PCDHGB2: variants seen among roughly 807,000 people sequenced by gnomAD.
PCDHGB2 encodes the protein protocadherin gamma-B2.
A neutral mutation model predicts 59.3 loss-of-function variants in PCDHGB2; 55 were observed. That is an observed-to-expected ratio of 0.93 (90% CI 0.75 to 1.16). The LOEUF is 1.16. Among genes scored for constraint, PCDHGB2 ranks in the 50% most tolerant of loss-of-function variants. The pLI is 0.00. For missense variants in PCDHGB2, 1,228 were observed against 1,198.5 expected, an observed-to-expected ratio of 1.02 and a Z score of -0.36; for synonymous variants, 516 against 512.0, an observed-to-expected ratio of 1.01 and a Z score of -0.11.
At chr5:141,418,732 G>A (rs747081573) in intron 1 of PCDHGB2, 1 of 1,613,994 alleles carries the variant, frequency 6.2e-7, no homozygotes, top group Non-Finnish European at 8.5e-7. Flanking sequence ...CTCAGCACGT[G>A]TTCTCTCTGG....
At position 141,491,137 on chromosome 5, in the gene PCDHGB2, GC is replaced by G. The variant is rs1373404184; in HGVS notation, c.2422-3668del. ...CACTGGTGAGGTGCGCACAGCCCGG[GC>G]CTTACTGGAGGATGACTCTGACACC... On this transcript the variant is annotated intron_variant, in intron 1 of 3. Transcript: ENST00000522605. This position sits in a 1 kb window ranked among gnomAD's most constrained non-coding sequence, Gnocchi z 6.9. The G allele has an allele frequency of 1.2e-6, 2 of 1,614,156 alleles. No individual in the cohort carries two copies. Among genetic ancestry groups the G allele is most frequent in the Non-Finnish European group, 1.7e-6 (2 of 1,180,008 alleles).
intron 1 of PCDHGB2, chr5:141,364,398 T>TG: frequency 6.2e-6 from 10 of 1,605,684 alleles, no homozygotes; most frequent in Non-Finnish European, 7.7e-6. Flanking sequence ...CTGGGGACGC[T>TG]GTGCGAGCCA....
intron 1 of PCDHGB2, among the ~76,000 whole-genome samples, chr5:141,456,818 G>A (rs1214373156): frequency 1.3e-5 from 2 of 151,890 alleles, no homozygotes; most frequent in Admixed American, 6.6e-5. Context: ...CAAAAAATTA[G>A]CCATCGTGGT....
At position 141,426,367 on chromosome 5, in the gene PCDHGB2, G is replaced by A. The variant is rs557191606; in HGVS notation, c.2421+63811G>A. The A allele has an allele frequency of 8.2e-4, 168 of 204,486 alleles. 3 individuals are homozygous for A. The South Asian group carries it at 0.014, about 17-fold the overall frequency. 12.7% of individuals were successfully genotyped at this position (204,486 alleles called of 1,614,324 possible). ...TTTCCTGCTGCCTTTGTTCTGCGGG[G>A]CACCCTCGGAGCAGATCCGCTACTC... is the stretch of plus-strand genomic sequence containing the variant. On this transcript the variant is annotated intron_variant, in intron 1 of 3. Transcript: ENST00000522605.
chr5:141,406,877 A>T (rs4912750), intron 1 of PCDHGB2, among the ~76,000 whole-genome samples: 9,155 of 152,322 alleles, frequency 0.06, 381 homozygotes, highest in Non-Finnish European at 0.089. Flanking sequence ...ACTGCTGGGA[A>T]GATTCTAAAA....
chr5:141,436,501 G>A (rs1382579407), intron 1 of PCDHGB2, among the ~76,000 whole-genome samples: 1 of 152,118 alleles, frequency 6.6e-6, no homozygotes, highest in Admixed American at 6.5e-5. Context: ...TTGCAATTAG[G>A]TAAATTGTTA....
In PCDHGB2 at chr5:141,404,687, C is replaced by T. The variant is rs190249934; in HGVS notation, c.2421+42131C>T. 2,728 of 1,614,088 alleles carry T rather than the reference C, an allele frequency of 1.7e-3. 3 individuals carry two copies. Among genetic ancestry groups the T allele is most frequent in the Non-Finnish European group, 2.2e-3 (2,615 of 1,179,946 alleles). On this transcript the variant is annotated intron_variant, in intron 1 of 3. Coordinates refer to ENST00000522605, the MANE Select transcript of PCDHGB2 (RefSeq NM_018923.3). ...TGGTTCTACTGGTGTGGAGCTGGCA[C>T]CCCGCTCTGCAGAGCCTGGCTACCT...
chr5:141,505,143 C>G lies in PCDHGB2; in HGVS notation c.2481-250C>G, dbSNP rs578261428. ...CGCCACTGCACTCCAGCCTGGATGA[C>G]AGAGTAAGACCCTGTCTAAAACAAA... On this transcript the variant is annotated intron_variant, in intron 2 of 3. Coordinates refer to ENST00000522605, the MANE Select transcript of PCDHGB2 (RefSeq NM_018923.3). Among the ~76,000 whole-genome samples the G allele has an allele frequency of 3.3e-5, 5 of 152,290 alleles. No homozygotes were observed. The East Asian group carries it at 7.7e-4, about 24-fold the overall frequency.
intron 1 of PCDHGB2, chr5:141,409,987 C>T: frequency 3.1e-6 from 5 of 1,613,288 alleles, no homozygotes; most frequent in Non-Finnish European, 4.2e-6. Context: ...TAGCGGTGGA[C>T]GCCGACTCGG....
At position 141,393,231 on chromosome 5, in the gene PCDHGB2, G is replaced by A. The variant is rs1309107381; in HGVS notation, c.2421+30675G>A. On this transcript the variant is annotated intron_variant, in intron 1 of 3. Transcript: ENST00000522605. Reference sequence around the variant, plus strand: ...AAAATTCCAGGTCGAAGATCTAGAAGTAAAAATTAACGAAATCGCGGTTCC... The same window carrying A: ...AAAATTCCAGGTCGAAGATCTAGAAATAAAAATTAACGAAATCGCGGTTCC... 2.5e-6 allele frequency: 4 copies of A among 1,613,738 alleles called. 1 individual carries two copies. In the South Asian group the frequency reaches 4.4e-5, roughly 18 times the overall value.
intron 1 of PCDHGB2, among the ~76,000 whole-genome samples, chr5:141,433,697 CGTG>C (rs1176871032): frequency 6.6e-6 from 1 of 152,020 alleles, no homozygotes; most frequent in Non-Finnish European, 1.5e-5. Context: ...ATTAGCCGGG[CGTG>C]GTGGTGCATG....
chr5:141,495,205 C>T (rs977479495), intron 2 of PCDHGB2, among the ~76,000 whole-genome samples: 1 of 152,212 alleles, frequency 6.6e-6, no homozygotes, highest in African/African-American at 2.4e-5. Flanking sequence ...TACTGCCTAA[C>T]CCCCTCCCCT....
intron 1 of PCDHGB2, among the ~76,000 whole-genome samples, chr5:141,461,881 T>C (rs2099025428): frequency 6.6e-6 from 1 of 152,060 alleles, no homozygotes. Flanking sequence ...TGGAGTGCAA[T>C]GGCACGATCT....
intron 1 of PCDHGB2, among the ~76,000 whole-genome samples, chr5:141,442,717 C>T (rs918238654): frequency 1.3e-5 from 2 of 152,166 alleles, no homozygotes; most frequent in African/African-American, 2.4e-5. Flanking sequence ...CATGCCAGAG[C>T]ATTTGGGGCC....
rs979093310 is a variant in PCDHGB2 at position 141,486,621 on chromosome 5, A to G, written c.2422-8186A>G. On this transcript the variant is annotated intron_variant, in intron 1 of 3. Transcript: ENST00000522605. This position sits in a 1 kb window ranked among gnomAD's most constrained non-coding sequence, Gnocchi z 5.0. The stretch of plus-strand genomic sequence containing the variant: ...TGCTCCCTTGCAGCCTCTGACCCAG[A>G]CTCTGGCTTGAATGCGCTTATCTCC... 6.2e-7 allele frequency: 1 copy of G among 1,613,388 alleles called. No individual in the cohort carries two copies. The highest frequency in any genetic ancestry group is 1.3e-5 in the African/African-American group (1 of 74,960).
chr5:141,430,659 G>A, intron 1 of PCDHGB2: 1 of 1,110,600 alleles, frequency 9.0e-7, no homozygotes, highest in Non-Finnish European at 1.2e-6. Context: ...AACAACGGAG[G>A]AGCTCTGACT....
chr5:141,473,796 G>A (rs2099328996), intron 1 of PCDHGB2, among the ~76,000 whole-genome samples: 1 of 152,224 alleles, frequency 6.6e-6, no homozygotes, highest in African/African-American at 2.4e-5. Context: ...GCAGTATGAT[G>A]CTACTGAGGA....
At chr5:141,409,640 G>A (rs1045286800) in intron 1 of PCDHGB2, 2 of 1,613,780 alleles carry the variant, frequency 1.2e-6, no homozygotes, top group African/African-American at 1.3e-5. Context: ...CTCTGACCCG[G>A]ATTTGGGGCT....
At position 141,418,250 on chromosome 5, in the gene PCDHGB2, C is replaced by T. The variant is rs375149538; in HGVS notation, c.2421+55694C>T. ...GATTGAGGATGTTAATGACCACGCC[C>T]CTCAATTCCGGAAAGATGAAATAAA... On this transcript the variant is annotated intron_variant, in intron 1 of 3. Transcript: ENST00000522605. The T allele has an allele frequency of 2.5e-5, 40 of 1,613,876 alleles. No individual in the cohort carries two copies. The African/African-American group carries it at 3.6e-4, about 15-fold the overall frequency.
Sources: gnomAD v4.1 joint callset for allele counts (sites outside exome capture counted in the v4.1 genomes callset) on GRCh38, gnomAD v4.1.1 for gene constraint, Gnocchi (gnomAD v3.1) non-coding constraint, MANE v1.5 for transcripts, NCBI Gene and HGNC (gene_info 2026-07-23, HGNC 2026-07-21) for gene names.